Variants in CR1L observed in about 807,000 individuals in gnomAD.
CR1L encodes complement C3b/C4b receptor 1 like.
CR1L carries 59 observed loss-of-function variants against 62.3 expected under a neutral mutation model. The observed-to-expected ratio is 0.95, with a 90% confidence interval of 0.77 to 1.18. The LOEUF (loss-of-function observed/expected upper bound fraction) is 1.18. CR1L is among the 50% of genes most tolerant of loss of function. CR1L has a pLI of 0.00. For synonymous variants in CR1L, 279 were observed against 248.7 expected (o/e 1.12, Z -1.15); for missense variants, 700 against 702.8 (o/e 1.00, Z 0.04).
At chr1:207,663,554 G>C (rs1412889792) in intron 1 of CR1L, among the ~76,000 whole-genome samples, 1 of 152,216 alleles carries the variant, frequency 6.6e-6, no homozygotes, top group African/African-American at 2.4e-5. Flanking sequence ...CCCTTTCTTT[G>C]ACTAGGAAAG....
At chr1:207,648,190 C>G (rs1452618282) in intron 1 of CR1L, among the ~76,000 whole-genome samples, 4 of 104,986 alleles carry the variant, frequency 3.8e-5, no homozygotes, top group African/African-American at 1.6e-4. Flanking sequence ...CACACACACA[C>G]ACACACACAC....
At chr1:207,708,846 G>C (rs950893459) in intron 10 of CR1L, 159 of 409,452 alleles carry the variant, frequency 3.9e-4, no homozygotes, top group African/African-American at 3.1e-3. Flanking sequence ...CATCTGGTGG[G>C]AGAATAAGTG....
At position 207,694,721 on chromosome 1, in the gene CR1L, T is replaced by G. The variant is rs778657492; in HGVS notation, c.832T>G (p.Trp278Gly). 5.6e-6 allele frequency: 9 copies of G among 1,611,894 alleles called. No individual in the cohort carries two copies. Among genetic ancestry groups the G allele is most frequent in the Non-Finnish European group, 7.6e-6 (9 of 1,179,730 alleles). ...SHVKCQALNK[W>G]EPELPSCSRV... ...TGTGAAGTGCCAGGCCCTGAACAAA[T>G]GGGAGCCAGAGTTACCAAGCTGCTC... The change falls in exon 5 of 12, where the codon TGG becomes GGG. Residue 278 changes from tryptophan (W) to glycine (G), a missense_variant. Physicochemically the swap from Trp to Gly is radical, Grantham distance 184 (BLOSUM62 -2). Transcript: ENST00000508064.
intron 2 of CR1L, among the ~76,000 whole-genome samples, chr1:207,677,951 T>A (rs997052227): frequency 6.6e-6 from 1 of 152,210 alleles, no homozygotes; most frequent in African/African-American, 2.4e-5. Flanking sequence ...GAATTACAGA[T>A]AATAACGAAG....
chr1:207,691,565 T>C (rs1663996707), intron 4 of CR1L, among the ~76,000 whole-genome samples: 1 of 152,120 alleles, frequency 6.6e-6, no homozygotes, highest in Non-Finnish European at 1.5e-5. Flanking sequence ...TTGTTTCATG[T>C]GTTTGTGCCT....
intron 8 of CR1L, 47 bp downstream of exon 8, chr1:207,699,321 G>C (rs1185820768): frequency 2.5e-6 from 4 of 1,608,768 alleles, no homozygotes; most frequent in Non-Finnish European, 3.4e-6. Context: ...CCCTTCATCT[G>C]TTCAGTATTT....
intron 5 of CR1L, among the ~76,000 whole-genome samples, chr1:207,695,204 C>T (rs1331433536): frequency 6.6e-6 from 1 of 152,154 alleles, no homozygotes; most frequent in Non-Finnish European, 1.5e-5. Flanking sequence ...TGGCTTACTG[C>T]AACCGCCACC....
chr1:207,658,422 GA>G (rs1663353205), intron 1 of CR1L: 1 of 152,190 alleles, frequency 6.6e-6, no homozygotes, highest in African/African-American at 2.4e-5. Context: ...AACCAATACT[GA>G]GAATGAAAGA....
intron 9 of CR1L, among the ~76,000 whole-genome samples, chr1:207,706,208 C>T (rs1664265780): frequency 6.6e-6 from 1 of 151,590 alleles, no homozygotes; most frequent in Non-Finnish European, 1.5e-5. Context: ...TCACTTGACC[C>T]CAGGACCTCG....
At chr1:207,712,460 G>C (rs972692005) in intron 10 of CR1L, among the ~76,000 whole-genome samples, 1 of 152,194 alleles carries the variant, frequency 6.6e-6, no homozygotes, top group African/African-American at 2.4e-5. Flanking sequence ...GCCTTCAGCA[G>C]GCATAGGATA....
chr1:207,707,731 AG>A (rs914539284), intron 9 of CR1L, among the ~76,000 whole-genome samples: 17 of 151,472 alleles, frequency 1.1e-4, no homozygotes, highest in Non-Finnish European at 2.2e-4. Flanking sequence ...CAGGATCAAA[AG>A]CAACAAATCT....
chr1:207,702,744 C>T (rs1487355533), intron 9 of CR1L, among the ~76,000 whole-genome samples: 1 of 152,202 alleles, frequency 6.6e-6, no homozygotes, highest in East Asian at 1.9e-4. Flanking sequence ...CCCTAACTCT[C>T]TTCAATTCTG....
intron 7 of CR1L, among the ~76,000 whole-genome samples, chr1:207,698,366 T>G (rs1012113465): frequency 1.3e-5 from 2 of 152,172 alleles, no homozygotes; most frequent in African/African-American, 4.8e-5. Flanking sequence ...TTTAAAAAAA[T>G]CCAGTCATAT....
rs1011301811 is a variant in CR1L, at chr1:207,645,167, C to G, written c.-67C>G. On this transcript the variant is annotated 5_prime_UTR_variant, in exon 1 of 12. Transcript: ENST00000508064. ...ACTAACCGGACTCAGAAGGGACTTC[C>G]CTGCTCGGCTGGCTTTCGGTTTCTC... The G allele has an allele frequency of 4.6e-6, 7 of 1,526,954 alleles. No homozygotes were observed. The highest frequency in any genetic ancestry group is 6.3e-6 in the Non-Finnish European group (7 of 1,107,762). 94.6% of individuals were successfully genotyped at this position (1,526,954 alleles called of 1,614,324 possible). A position where few individuals can be genotyped will look rare whatever the true frequency, so the allele number is the denominator to read the frequency against.
intron 1 of CR1L, among the ~76,000 whole-genome samples, chr1:207,667,684 G>T (rs1462837994): frequency 1.3e-5 from 2 of 152,042 alleles, no homozygotes; most frequent in Non-Finnish European, 2.9e-5. Context: ...CATAATGATT[G>T]TACACATTTA....
chr1:207,664,081 G>T (rs1457985185), intron 1 of CR1L, among the ~76,000 whole-genome samples: 1 of 152,174 alleles, frequency 6.6e-6, no homozygotes, highest in Non-Finnish European at 1.5e-5. Flanking sequence ...TGAAATAGAG[G>T]ACTTTTTGCA....
chr1:207,660,974 C>T (rs1350312909), intron 1 of CR1L, among the ~76,000 whole-genome samples: 1 of 152,154 alleles, frequency 6.6e-6, no homozygotes, highest in African/African-American at 2.4e-5. Flanking sequence ...TTTCTTAATC[C>T]TGAGTTCTAG....
chr1:207,698,486 A>G (rs1282984731), intron 7 of CR1L, among the ~76,000 whole-genome samples: 5 of 152,146 alleles, frequency 3.3e-5, no homozygotes, highest in Non-Finnish European at 1.5e-5. Context: ...TGCTCTTCAC[A>G]GGGTGCACAT....
chr1:207,699,343 T>C lies in CR1L; in HGVS notation c.1228+69T>C, dbSNP rs1422739483. On this transcript the variant is annotated intron_variant, in intron 8 of 11. Transcript: ENST00000508064. The stretch of plus-strand genomic sequence containing the variant: ...TCTGTTCAGTATTTGACCCATGACC[T>C]CCCCTAATGTGGTTCTTCAATTTTC... 26 of 1,548,758 alleles carry C rather than the reference T, an allele frequency of 1.7e-5. No individual in the cohort carries two copies. The Admixed American group carries it at 3.9e-4, about 23-fold the overall frequency.
Sources: gnomAD v4.1 joint callset for allele counts (sites outside exome capture counted in the v4.1 genomes callset) on GRCh38, gnomAD v4.1.1 for gene constraint, MANE v1.5 for transcripts, NCBI Gene and HGNC (gene_info 2026-07-23, HGNC 2026-07-21) for gene names.